KMT2D: variants seen among roughly 807,000 people sequenced by gnomAD.
KMT2D encodes the protein histone-lysine N-methyltransferase 2D.
Under a neutral mutation model 512.7 loss-of-function variants are expected in KMT2D, and 55 were observed. The observed-to-expected ratio is 0.11, with a 90% CI of 0.09 to 0.13. The LOEUF (loss-of-function observed/expected upper bound fraction) is 0.13. Among genes scored for constraint, KMT2D ranks in the 10% least tolerant of loss-of-function variants. The pLI, the probability that KMT2D is intolerant of heterozygous loss-of-function variation, is 1.00. For synonymous variants in KMT2D, 2,995 were observed against 2,904.0 expected, an observed-to-expected ratio of 1.03 and a Z score of -1.01; for missense variants, 6,061 against 7,127.9, an observed-to-expected ratio of 0.85 and a Z score of 5.39.
At position 49,053,528 on chromosome 12, in the gene KMT2D, G is replaced by T. The variant is rs771365929; in HGVS notation, c.787C>A (p.Arg263Ser). The change falls in exon 7 of 55, where the codon CGC becomes AGC. Residue 263 changes from arginine to serine, a missense_variant. Physicochemically the swap from Arg to Ser is moderately radical, Grantham distance 110 (BLOSUM62 -1). Coordinates refer to ENST00000301067, the MANE Select transcript of KMT2D (RefSeq NM_003482.4). The stretch of plus-strand genomic sequence containing the variant: ...GGGCACTGCCAGCCAGCACGTTTGC[G>T]GGCAGTCAGAGCAGTGTCCAGGCAG... Reference protein sequence around the residue: ...GACLDTALTARKRAGWQCPEC... With the variant: ...GACLDTALTASKRAGWQCPEC... The T allele has an allele frequency of 6.2e-7, 1 of 1,604,738 alleles. No homozygotes were observed. Among genetic ancestry groups the T allele is most frequent in the East Asian group, 2.3e-5 (1 of 44,354 alleles).
rs1261837074 is a variant in KMT2D, at chr12:49,018,978, TATTTA to T, written c.*2797_*2801del. On this transcript the variant is annotated 3_prime_UTR_variant, in exon 55 of 55. Transcript: ENST00000301067. ...GAGGGTCATGGGACGGAGCCGCTTG[TATTTA>T]AAATGTTCTTTTTTTATTTGTCGTT... is the stretch of plus-strand genomic sequence containing the variant. 2.1e-6 allele frequency: 3 copies of T among 1,410,812 alleles called. No individual in the cohort carries two copies. In the African/African-American group the frequency reaches 4.4e-5, roughly 21 times the overall value. 87.4% of individuals were successfully genotyped at this position (1,410,812 alleles called of 1,614,324 possible). A position where few individuals can be genotyped will look rare whatever the true frequency, so the allele number is the denominator to read the frequency against.
rs761379287 is a variant in KMT2D at position 49,027,101 on chromosome 12, G to A, written c.14865C>T (p.Ser4955=). 6.2e-6 allele frequency: 10 copies of A among 1,606,490 alleles called. No individual in the cohort carries two copies. The highest frequency in any genetic ancestry group is 8.5e-6 in the Non-Finnish European group (10 of 1,175,120). ...PVPSPLPLAS[S]PESARPKPRA... The stretch of plus-strand genomic sequence containing the variant: ...GGGGCTTGGGTCGGGCTGATTCAGG[G>A]GATGAGGCCAGTGGCAGAGGTGAGG... Residue 4955 remains serine (S), a synonymous_variant, in exon 49 of 55, where the codon TCC becomes TCT. Transcript: ENST00000301067.
chr12:49,027,538 C>T (rs1466828043), intron 48 of KMT2D, among the ~76,000 whole-genome samples: 1 of 152,134 alleles, frequency 6.6e-6, no homozygotes, highest in South Asian at 2.1e-4. Flanking sequence ...CAACCTCTGC[C>T]TCCTGGGTTC....
rs1170033508 is a variant in KMT2D, at chr12:49,044,612, T to G, written c.4964-90A>C. The stretch of plus-strand genomic sequence containing the variant: ...CTGCCACTGAGAGAGCTGAATACCT[T>G]GCCTCAGAGCCACTTAGACGAGACA... On this transcript the variant is annotated intron_variant, in intron 20 of 54. Transcript: ENST00000301067. The surrounding 1 kb of genome is among the most constrained non-coding windows in gnomAD (Gnocchi z 6.4). 1 of 1,570,504 alleles carries G rather than the reference T, an allele frequency of 6.4e-7. No homozygotes were observed. The highest frequency in any genetic ancestry group is 2.2e-5 in the East Asian group (1 of 44,458).
At position 49,046,307 on chromosome 12, in the gene KMT2D, A is replaced by G. The variant is rs1413574415; in HGVS notation, c.4536T>C (p.Ala1512=). The G allele has an allele frequency of 6.2e-7, 1 of 1,613,886 alleles. No individual in the cohort carries two copies. Among genetic ancestry groups the G allele is most frequent in the African/African-American group, 1.3e-5 (1 of 74,918 alleles). The stretch of plus-strand genomic sequence containing the variant: ...TTAGTAGGTCCTCTTCTACGTAAGG[A>G]GCATGACAGATAGGGCAGGTCACCA... ...ASLVTCPICH[A]PYVEEDLLIQ... The change falls in exon 17 of 55, where the codon GCT becomes GCC. Residue 1512 remains alanine, a synonymous_variant. Coordinates refer to ENST00000301067, the MANE Select transcript of KMT2D (RefSeq NM_003482.4). The surrounding 1 kb of genome is among the most constrained non-coding windows in gnomAD (Gnocchi z 4.2).
chr12:49,028,179 G>A (rs1942706138), intron 46 of KMT2D, 38 bp from the exon 47 acceptor site: 1 of 1,613,094 alleles, frequency 6.2e-7, no homozygotes, highest in Non-Finnish European at 8.5e-7. Context: ...AAACATATCA[G>A]CCAAGTGTCT....
At position 49,021,553 on chromosome 12, in the gene KMT2D, G is replaced by T; in HGVS notation, c.*227C>A. On this transcript the variant is annotated 3_prime_UTR_variant, in exon 55 of 55. Coordinates refer to ENST00000301067, the MANE Select transcript of KMT2D (RefSeq NM_003482.4). ...CTGGCCCCTCCTGGAGCTGGGGGCA[G>T]AGATGCCAGCCTGAGGGCCGGTGGT... The T allele has an allele frequency of 1.8e-6, 1 of 552,228 alleles. No individual in the cohort carries two copies. Among genetic ancestry groups the T allele is most frequent in the Non-Finnish European group, 3.2e-6 (1 of 310,730 alleles). 34.2% of individuals were successfully genotyped at this position (552,228 alleles called of 1,614,324 possible).
chr12:49,040,250 T>C lies in KMT2D; in HGVS notation c.7520A>G (p.His2507Arg). Residue 2507 changes from histidine to arginine, a missense_variant, in exon 32 of 55, where the codon CAT (histidine) becomes CGT (arginine). By Grantham distance (29) the His-to-Arg change is conservative (BLOSUM62 0). Around this residue, in one of 16 missense-constraint regions of KMT2D, gnomAD observed 710 missense variants for 647.3 expected, o/e 1.10. Coordinates refer to ENST00000301067, the MANE Select transcript of KMT2D (RefSeq NM_003482.4). ...ALPAGPAGELHAKVPSGQPPN... is the reference protein window; with the variant it reads ...ALPAGPAGELRAKVPSGQPPN... ...GGGCTGCCCACTTGGGACCTTGGCA[T>C]GGAGCTCACCTGCTGGCCCCGCGGG... 2.5e-6 allele frequency: 4 copies of C among 1,612,638 alleles called. No homozygotes were observed. The highest frequency in any genetic ancestry group is 2.5e-6 in the Non-Finnish European group (3 of 1,179,396).
chr12:49,033,026 G>A lies in KMT2D; in HGVS notation c.11679C>T (p.Pro3893=), dbSNP rs1238381337. 4 of 1,551,348 alleles carry A rather than the reference G, an allele frequency of 2.6e-6. No individual in the cohort carries two copies. The South Asian group carries it at 3.6e-5, about 14-fold the overall frequency. The change falls in exon 40 of 55, where the codon CCC becomes CCT. Residue 3893 remains proline, a synonymous_variant. Transcript: ENST00000301067. ...HSGQPKLSAQ[P]MGSLQQLQQQ... is the part of the protein sequence containing the mutation. ...GCTGAAGCTGCTGTAAAGAGCCCAT[G>A]GGCTGAGCGCTCAGTTTGGGCTGCC...
At position 49,050,267 on chromosome 12, in the gene KMT2D, G is replaced by A. The variant is rs1439162527; in HGVS notation, c.3321C>T (p.Ser1107=). 1.2e-6 allele frequency: 2 copies of A among 1,612,062 alleles called. No individual in the cohort carries two copies. The highest frequency in any genetic ancestry group is 1.7e-5 in the Admixed American group (1 of 59,676). ...AGAAGTCATCCAGGGCTGGGGCAGG[G>A]CTGGGGGCGGGGCAGGAAAGGTCCC... The part of the protein sequence containing the change: ...PMGDLSCPAP[S]PAPALDDFSG... The change falls in exon 12 of 55, where the codon AGC becomes AGT. Residue 1107 remains serine, a synonymous_variant. Transcript: ENST00000301067.
Position 49,040,624 on chromosome 12 carries a change from T to G in KMT2D, c.7146A>C (p.Pro2382=). The part of the protein sequence containing the change: ...GSYTDPYAQP[P]LTPRPQPPPP... ...GCGGAGGTTGGGGCCGAGGAGTCAA[T>G]GGGGGCTGAGCATATGGGTCAGTGT... The change falls in exon 32 of 55, where the codon CCA becomes CCC. Residue 2382 remains proline (P), a synonymous_variant. Transcript: ENST00000301067. 6.2e-7 allele frequency: 1 copy of G among 1,610,294 alleles called. No individual in the cohort carries two copies. The highest frequency in any genetic ancestry group is 8.5e-7 in the Non-Finnish European group (1 of 1,178,606).
At position 49,051,956 on chromosome 12, in the gene KMT2D, G is replaced by T. The variant is rs1938076802; in HGVS notation, c.1727C>A (p.Pro576His). 1.2e-6 allele frequency: 2 copies of T among 1,613,538 alleles called. No homozygotes were observed. The highest frequency in any genetic ancestry group is 3.3e-5 in the Admixed American group (2 of 59,976). ...PPEASRLSPP[P>H]EESPMSPPPE... is the part of the protein sequence containing the mutation. The stretch of plus-strand genomic sequence containing the variant: ...TGGAGGGGACATGGGTGACTCCTCA[G>T]GTGGTGGAGACAGGCGAGATGCTTC... Residue 576 changes from proline to histidine, a missense_variant, in exon 11 of 55, where the codon CCT becomes CAT. Pro to His is a moderately conservative substitution (Grantham distance 77, BLOSUM62 -2). Around this residue, in one of 16 missense-constraint regions of KMT2D, gnomAD observed 848 missense variants for 838.5 expected, o/e 1.01. Transcript: ENST00000301067.
At position 49,042,110 on chromosome 12, in the gene KMT2D, T is replaced by G. The variant is rs771729772; in HGVS notation, c.6088A>C (p.Asn2030His). Residue 2030 changes from asparagine (N) to histidine (H), a missense_variant, in exon 29 of 55, where the codon AAT becomes CAT. Coordinates refer to ENST00000301067, the MANE Select transcript of KMT2D (RefSeq NM_003482.4). The surrounding 1 kb of genome is among the most constrained non-coding windows in gnomAD (Gnocchi z 4.4). ...PVLYANINFPNLKQDYPDWSS... is the reference protein window; with the variant it reads ...PVLYANINFPHLKQDYPDWSS... ...GTACCTGGGTAGTCTTGCTTGAGAT[T>G]AGGAAAATTAATGTTGGCATAGAGC... 1 of 1,613,692 alleles carries G rather than the reference T, an allele frequency of 6.2e-7. No homozygotes were observed. Among genetic ancestry groups the G allele is most frequent in the Non-Finnish European group, 8.5e-7 (1 of 1,179,760 alleles).
intron 9 of KMT2D, 54 bp from the exon 10 acceptor site, chr12:49,052,763 T>C: frequency 6.2e-7 from 1 of 1,600,058 alleles, no homozygotes; most frequent in Non-Finnish European, 8.5e-7. Flanking sequence ...TAACAAATCC[T>C]AGAGAGCACA....
chr12:49,037,095 T>A (rs1222568470), intron 35 of KMT2D, 30 bp downstream of exon 35: 1 of 1,536,432 alleles, frequency 6.5e-7, no homozygotes, highest in Non-Finnish European at 8.8e-7. Flanking sequence ...TCACCCTGAG[T>A]AACTTGGCTA....
Position 49,032,663 on chromosome 12 carries a change from G to T in KMT2D, c.12042C>A (p.Ala4014=). The change falls in exon 40 of 55, where the codon GCC becomes GCA. Residue 4014 remains alanine, a synonymous_variant. Transcript: ENST00000301067. ...KPLQHFSSPG[A]LGPTLLLTGK... is the part of the protein sequence containing the mutation. Reference sequence around the variant, plus strand: ...CCGTCAGGAGGAGGGTTGGACCCAGGGCTCCAGGGCTAGAAAAGTGTTGAA... The same window carrying T: ...CCGTCAGGAGGAGGGTTGGACCCAGTGCTCCAGGGCTAGAAAAGTGTTGAA... 6.2e-7 allele frequency: 1 copy of T among 1,613,930 alleles called. No individual in the cohort carries two copies. The highest frequency in any genetic ancestry group is 8.5e-7 in the Non-Finnish European group (1 of 1,179,876).
In KMT2D at chr12:49,027,810, A is replaced by C. The variant is rs1330027912; in HGVS notation, c.14636T>G (p.Leu4879Arg). 6.4e-7 allele frequency: 1 copy of C among 1,566,338 alleles called. No individual in the cohort carries two copies. The change falls in exon 48 of 55, where the codon CTG becomes CGG. Residue 4879 changes from leucine (L) to arginine (R), a missense_variant. Around this residue, in one of 16 missense-constraint regions of KMT2D, gnomAD observed 1,600 missense variants for 1,754.9 expected, o/e 0.91. Coordinates refer to ENST00000301067, the MANE Select transcript of KMT2D (RefSeq NM_003482.4). ...LKSQLDILSL[L>R]KQESPAPEPP... Reference sequence around the variant, plus strand: ...TTTCTCCCCCAGACCTACCTGTTTCAGGAGGCTCAAGATGTCTAGTTGGCT... The same window carrying C: ...TTTCTCCCCCAGACCTACCTGTTTCCGGAGGCTCAAGATGTCTAGTTGGCT...
In KMT2D at chr12:49,032,593, T is replaced by G. The variant is rs1349515698; in HGVS notation, c.12112A>C (p.Thr4038Pro). The G allele has an allele frequency of 6.2e-7, 1 of 1,613,896 alleles. No homozygotes were observed. Among genetic ancestry groups the G allele is most frequent in the Non-Finnish European group, 8.5e-7 (1 of 1,179,858 alleles). Residue 4038 changes from threonine (T) to proline (P), a missense_variant, in exon 40 of 55, where the codon ACT becomes CCT. Physicochemically the swap from Thr to Pro is conservative, Grantham distance 38. Around this residue, in one of 16 missense-constraint regions of KMT2D, gnomAD observed 1,600 missense variants for 1,754.9 expected, o/e 0.91. Transcript: ENST00000301067. ...CCCTGATGTGTAGAGGGCCCCTCAG[T>G]GGCCTCTGAAGAAACGGCTGGGTCT... ...TVDPAVSSEATEGPSTHQGGP... is the reference protein window; with the variant it reads ...TVDPAVSSEAPEGPSTHQGGP...
rs1478827662 is a variant in KMT2D, at chr12:49,043,432, T to C, written c.5468-4A>G. 5.6e-6 allele frequency: 9 copies of C among 1,613,772 alleles called. No individual in the cohort carries two copies. The highest frequency in any genetic ancestry group is 2.2e-5 in the East Asian group (1 of 44,896). On this transcript the variant is annotated splice_polypyrimidine_tract_variant and splice_region_variant and intron_variant, in intron 24 of 54. Transcript: ENST00000301067. ...GCAATATCTGGACCATCATCTCCTA[T>C]GAGCAAGAGTCCCCCCTCCAATCAG...
Sources: gnomAD v4.1 joint callset for allele counts (sites outside exome capture counted in the v4.1 genomes callset) on GRCh38, gnomAD v4.1.1 for gene constraint, gnomAD v4.1.1 regional missense constraint, Gnocchi (gnomAD v3.1) non-coding constraint, MANE v1.5 for transcripts, NCBI Gene and HGNC (gene_info 2026-07-23, HGNC 2026-07-21) for gene names.